The following FNDC8 variants were observed in gnomAD, a reference collection of about 807,000 sequenced individuals.
The protein encoded by FNDC8 is fibronectin type III domain-containing protein 8.
A neutral mutation model predicts 24.8 loss-of-function variants in FNDC8; 23 were observed. That is an observed-to-expected ratio of 0.93 (90% CI 0.67 to 1.31). FNDC8 has a LOEUF of 1.31. Ranked by LOEUF, FNDC8 falls within the 40% of genes most tolerant of loss-of-function variation. The pLI, the probability that FNDC8 is intolerant of heterozygous loss-of-function variation, is 0.00. For missense variants in FNDC8, 371 were observed against 398.2 expected, an observed-to-expected ratio of 0.93 and a Z score of 0.58; for synonymous variants, 158 against 165.3, an observed-to-expected ratio of 0.96 and a Z score of 0.34.
Position 35,121,803 on chromosome 17 carries a change from A to G in FNDC8, c.110A>G (p.Asn37Ser). The change falls in exon 1 of 4, where the codon AAC becomes AGC. Residue 37 changes from asparagine (N) to serine (S), a missense_variant. By Grantham distance (46) the Asn-to-Ser change is conservative. Coordinates refer to ENST00000158009, the MANE Select transcript of FNDC8 (RefSeq NM_017559.4). ...ALDQLPKPFS[N>S]PKSMNRTVTT... The stretch of plus-strand genomic sequence containing the variant: ...GACCAACTGCCAAAACCCTTTTCAA[A>G]CCCCAAGTCTATGAACCGGACCGTC... The G allele has an allele frequency of 6.2e-7, 1 of 1,613,176 alleles. No homozygotes were observed. Among genetic ancestry groups the G allele is most frequent in the Non-Finnish European group, 8.5e-7 (1 of 1,179,698 alleles).
intron 1 of FNDC8, among the ~76,000 whole-genome samples, chr17:35,124,457 G>A (rs771664715): frequency 1.4e-4 from 21 of 152,114 alleles, no homozygotes; most frequent in Non-Finnish European, 2.6e-4. Flanking sequence ...CACCCAGGAG[G>A]CGGAGGTTGC....
intron 3 of FNDC8, 87 bp downstream of exon 3, chr17:35,129,745 T>G (rs1262267655): frequency 6.6e-7 from 1 of 1,522,118 alleles, no homozygotes; most frequent in African/African-American, 1.4e-5. Flanking sequence ...AACACCCCTA[T>G]GCCCACATGA....
chr17:35,128,343 A>C (rs2091856987), intron 2 of FNDC8, among the ~76,000 whole-genome samples: 1 of 152,248 alleles, frequency 6.6e-6, no homozygotes, highest in South Asian at 2.1e-4. Flanking sequence ...GGAGCCCAGT[A>C]ATCTATCTTT....
intron 2 of FNDC8, chr17:35,128,658 A>C (rs986084262): frequency 6.5e-6 from 1 of 153,816 alleles, no homozygotes; most frequent in Non-Finnish European, 1.4e-5. Flanking sequence ...CAGAGTCTAG[A>C]ACCAACCTTT....
chr17:35,130,516 T>G lies in FNDC8; in HGVS notation c.*82T>G. The G allele has an allele frequency of 7.0e-7, 1 of 1,431,908 alleles. No homozygotes were observed. Among genetic ancestry groups the G allele is most frequent in the Non-Finnish European group, 9.6e-7 (1 of 1,043,678 alleles). 88.7% of individuals were successfully genotyped at this position (1,431,908 alleles called of 1,614,324 possible). On this transcript the variant is annotated 3_prime_UTR_variant, in exon 4 of 4. Transcript: ENST00000158009. Reference sequence around the variant, plus strand: ...GAAACCAGAGCCATGAGACCTACCATACCACCAGCACCCTGCGGGCCCGGG... The same window carrying G: ...GAAACCAGAGCCATGAGACCTACCAGACCACCAGCACCCTGCGGGCCCGGG...
intron 1 of FNDC8, among the ~76,000 whole-genome samples, chr17:35,125,004 C>T (rs1045360426): frequency 5.4e-5 from 8 of 148,128 alleles, no homozygotes; most frequent in African/African-American, 1.8e-4. Flanking sequence ...GTCGAAGTCA[C>T]ACCAGTGCAC....
At chr17:35,124,944 A>G (rs1362415273) in intron 1 of FNDC8, among the ~76,000 whole-genome samples, 1 of 151,580 alleles carries the variant, frequency 6.6e-6, no homozygotes, top group Non-Finnish European at 1.5e-5. Context: ...GCTACTCGGG[A>G]GGCTGAGGCA....
intron 2 of FNDC8, chr17:35,129,137 ACTG>A: frequency 2.8e-6 from 1 of 358,212 alleles, no homozygotes; most frequent in South Asian, 3.9e-5. Flanking sequence ...CAGGCCATGG[ACTG>A]CTATCAGTTG....
chr17:35,128,227 G>C (rs1356453647), intron 2 of FNDC8, among the ~76,000 whole-genome samples: 2 of 152,210 alleles, frequency 1.3e-5, no homozygotes, highest in Non-Finnish European at 2.9e-5. Context: ...TTCTCAAAGT[G>C]CTCTCCAGAT....
At chr17:35,126,918 GC>G in intron 1 of FNDC8, 123 bp from the exon 2 acceptor site, 1 of 1,189,442 alleles carries the variant, frequency 8.4e-7, no homozygotes, top group Non-Finnish European at 1.2e-6. Flanking sequence ...GAGCAATGAG[GC>G]TGTTCCAAGC....
At chr17:35,127,943 C>T (rs931638875) in intron 2 of FNDC8, among the ~76,000 whole-genome samples, 2 of 152,204 alleles carry the variant, frequency 1.3e-5, no homozygotes, top group African/African-American at 2.4e-5. Context: ...GCATTAGTAA[C>T]AGATTCCCAG....
chr17:35,125,188 T>C (rs1403724833), intron 1 of FNDC8, among the ~76,000 whole-genome samples: 2 of 151,956 alleles, frequency 1.3e-5, no homozygotes, highest in African/African-American at 4.8e-5. Flanking sequence ...CAGTGGCTCA[T>C]ACCTATAATC....
At position 35,121,616 on chromosome 17, in the gene FNDC8, C is replaced by G; in HGVS notation, c.-78C>G. The G allele has an allele frequency of 1.5e-6, 2 of 1,372,982 alleles. No homozygotes were observed. Among genetic ancestry groups the G allele is most frequent in the Non-Finnish European group, 1.0e-6 (1 of 968,304 alleles). The allele number at this position is 1,372,982 out of a possible 1,614,324, so 85.0% of individuals were successfully genotyped here. ...GACTGTCCAAACTAAAGGTGGGCCA[C>G]TGCCCCCACAGTTTCTCTCTGCTTC... is the stretch of plus-strand genomic sequence containing the variant. On this transcript the variant is annotated 5_prime_UTR_variant, in exon 1 of 4. Transcript: ENST00000158009.
At chr17:35,129,901 T>C in intron 3 of FNDC8, 1 of 1,397,822 alleles carries the variant, frequency 7.2e-7, no homozygotes, top group Middle Eastern at 2.7e-4. Flanking sequence ...AATGTTCCCC[T>C]TCCAAAGCCA....
At chr17:35,124,729 T>C (rs1299255926) in intron 1 of FNDC8, among the ~76,000 whole-genome samples, 7 of 152,048 alleles carry the variant, frequency 4.6e-5, no homozygotes, top group Non-Finnish European at 8.8e-5. Context: ...TTTGGCTTGG[T>C]GTTCTTCATC....
At chr17:35,127,001 G>T (rs2091851613) in intron 1 of FNDC8, 41 bp from the exon 2 acceptor site, 1 of 1,536,404 alleles carries the variant, frequency 6.5e-7, no homozygotes, top group Non-Finnish European at 8.8e-7. Flanking sequence ...GGCTGGGGTG[G>T]CCTCCTTCAT....
chr17:35,127,092 T>C lies in FNDC8; in HGVS notation c.260T>C (p.Ile87Thr). The C allele has an allele frequency of 6.2e-7, 1 of 1,613,764 alleles. No individual in the cohort carries two copies. Among genetic ancestry groups the C allele is most frequent in the Non-Finnish European group, 8.5e-7 (1 of 1,179,816 alleles). The change falls in exon 2 of 4, where the codon ATC becomes ACC. Residue 87 changes from isoleucine (I) to threonine (T), a missense_variant. Coordinates refer to ENST00000158009, the MANE Select transcript of FNDC8 (RefSeq NM_017559.4). ...GACTGCAGCTCTGATGAGACCAGCA[T>C]CTCTGCCTTCTCATCCACCTTGCTG... ...DSDCSSDETS[I>T]SAFSSTLLNP... is the part of the protein sequence containing the mutation.
At chr17:35,130,219 C>G (rs2091868269) in intron 3 of FNDC8, 63 bp from the exon 4 acceptor site, 4 of 1,579,394 alleles carry the variant, frequency 2.5e-6, no homozygotes, top group Admixed American at 1.8e-5. Context: ...GTGATAGAGA[C>G]AGAGAGAGAG....
rs2091864102 is a variant in FNDC8 at position 35,129,593 on chromosome 17, T to TG, written c.758dup (p.Cys253TrpfsTer29). ...GCTGATGGAGCTAAAGCCTAACACG[T>TG]GTTACTGCCTCAGTGTCCGTGCAGC... On this transcript the variant is annotated frameshift_variant, in exon 3 of 4. Transcript: ENST00000158009. LOFTEE classifies it high-confidence loss of function. 1 of 1,614,020 alleles carries TG rather than the reference T, an allele frequency of 6.2e-7. No individual in the cohort carries two copies. Among genetic ancestry groups the TG allele is most frequent in the African/African-American group, 1.3e-5 (1 of 74,892 alleles).
Sources: gnomAD v4.1 joint callset for allele counts (sites outside exome capture counted in the v4.1 genomes callset) on GRCh38, gnomAD v4.1.1 for gene constraint, MANE v1.5 for transcripts, NCBI Gene and HGNC (gene_info 2026-07-23, HGNC 2026-07-21) for gene names.